AXDND1: variants seen among roughly 807,000 people sequenced by gnomAD.
AXDND1 encodes the protein axonemal dynein light chain domain containing 1, also known as axonemal dynein light chain domain-containing protein 1.
In AXDND1, 110 loss-of-function variants were observed where a neutral mutation model predicts 137.5. The observed-to-expected ratio is 0.80, with a 90% CI of 0.69 to 0.94. The LOEUF is 0.94. AXDND1 is among the 40% of genes least tolerant of loss of function. The pLI, the probability that AXDND1 is intolerant of heterozygous loss-of-function variation, is 0.00. For missense variants in AXDND1, 1,191 were observed against 1,169.8 expected (o/e 1.02, Z -0.26); for synonymous variants, 414 against 399.7 (o/e 1.04, Z -0.43).
intron 15 of AXDND1, among the ~76,000 whole-genome samples, chr1:179,442,481 C>T (rs1013743847): frequency 2.0e-5 from 3 of 152,212 alleles, no homozygotes; most frequent in Non-Finnish European, 2.9e-5. Flanking sequence ...CCTGTGGAAA[C>T]CATGGGTTAT....
intron 20 of AXDND1, among the ~76,000 whole-genome samples, chr1:179,501,761 T>A (rs1668023077): frequency 6.6e-6 from 1 of 152,022 alleles, no homozygotes; most frequent in African/African-American, 2.4e-5. Flanking sequence ...CTAGGAATAT[T>A]GGCTATCTAT....
chr1:179,422,943 T>C (rs1655997106), intron 12 of AXDND1, among the ~76,000 whole-genome samples: 1 of 152,106 alleles, frequency 6.6e-6, no homozygotes, highest in South Asian at 2.1e-4. Context: ...TTTGTATTTT[T>C]AGTAGAGACA....
Position 179,395,150 on chromosome 1 carries a change from A to G in AXDND1, c.1057A>G (p.Lys353Glu), listed in dbSNP as rs1288831394. 7 of 1,613,682 alleles carry G rather than the reference A, an allele frequency of 4.3e-6. No homozygotes were observed. In the South Asian group the frequency reaches 7.7e-5, roughly 18 times the overall value. ...TGTGAAATTAACAAAGGAAACAGAA[A>G]AAGCCCACAAGGATTTGGCACAAGC... ...HDVKLTKETEKAHKDLAQALL... is the reference protein window; with the variant it reads ...HDVKLTKETEEAHKDLAQALL... The change falls in exon 11 of 26, where the codon AAA becomes GAA. Residue 353 changes from lysine (K) to glutamate (E), a missense_variant. Lys to Glu is a moderately conservative substitution (Grantham distance 56). Transcript: ENST00000367618.
chr1:179,371,294 G>T (rs571079733), intron 4 of AXDND1, among the ~76,000 whole-genome samples: 1 of 152,206 alleles, frequency 6.6e-6, no homozygotes, highest in Non-Finnish European at 1.5e-5. Context: ...CAGGCGTGGT[G>T]GCGCACACCT....
Position 179,533,881 on chromosome 1 carries a change from A to C in AXDND1, c.2798+4A>C. ...AACATATGCAGGAGAAGTTACTGTA[A>C]GTATGAGTCAACACAATGGTAAGAG... On this transcript the variant is annotated splice_donor_region_variant and intron_variant, in intron 24 of 25. Transcript: ENST00000367618. 6.2e-7 allele frequency: 1 copy of C among 1,610,422 alleles called. No individual in the cohort carries two copies. The highest frequency in any genetic ancestry group is 1.1e-5 in the South Asian group (1 of 90,944).
rs577807832 is a variant in AXDND1 at position 179,422,467 on chromosome 1, A to G, written c.1231-7051A>G. Among the ~76,000 whole-genome samples the G allele has an allele frequency of 3.3e-5, 5 of 152,246 alleles. No individual in the cohort carries two copies. In the South Asian group the frequency reaches 1.0e-3, roughly 32 times the overall value. ...AAGTTTCTTCCTGTTATTGATTTCAAGTTTTATTCCATCATTGTGGTCAGA... is the reference window on the plus strand; with the variant it reads ...AAGTTTCTTCCTGTTATTGATTTCAGGTTTTATTCCATCATTGTGGTCAGA... On this transcript the variant is annotated intron_variant, in intron 12 of 25. Transcript: ENST00000367618.
intron 25 of AXDND1, 137 bp from the exon 26 acceptor site, chr1:179,554,375 T>G: frequency 7.3e-6 from 10 of 1,370,002 alleles, no homozygotes; most frequent in Non-Finnish European, 1.0e-5. Flanking sequence ...CTGATATGGC[T>G]ATAGTACTCA....
intron 4 of AXDND1, 48 bp from the exon 5 acceptor site, chr1:179,378,589 A>G: frequency 1.4e-6 from 2 of 1,421,902 alleles, no homozygotes; most frequent in South Asian, 1.4e-5. Context: ...GTTATGTGGT[A>G]TCCAGATAGA....
At chr1:179,486,965 T>C (rs1385344076) in intron 18 of AXDND1, among the ~76,000 whole-genome samples, 1 of 148,528 alleles carries the variant, frequency 6.7e-6, no homozygotes, top group Non-Finnish European at 1.5e-5. Context: ...TCCACACATA[T>C]CAATACTAAC....
intron 16 of AXDND1, among the ~76,000 whole-genome samples, chr1:179,458,921 T>G (rs1661812353): frequency 6.6e-6 from 1 of 151,246 alleles, no homozygotes. Flanking sequence ...ATAACAGATA[T>G]GAATATTGAA....
At chr1:179,412,645 C>A (rs1372889030) in intron 12 of AXDND1, among the ~76,000 whole-genome samples, 1 of 152,138 alleles carries the variant, frequency 6.6e-6, no homozygotes, top group East Asian at 1.9e-4. Flanking sequence ...TTACTGGGGA[C>A]ATGCTAGAGG....
At chr1:179,480,312 A>C (rs1665207967) in intron 17 of AXDND1, among the ~76,000 whole-genome samples, 1 of 152,314 alleles carries the variant, frequency 6.6e-6, no homozygotes, top group East Asian at 1.9e-4. Context: ...GGCACATCTC[A>C]CATGGCAGCA....
chr1:179,430,989 C>T (rs1042726887), intron 14 of AXDND1, among the ~76,000 whole-genome samples: 8 of 152,048 alleles, frequency 5.3e-5, no homozygotes, highest in Non-Finnish European at 7.4e-5. Context: ...TGGTTTTGAT[C>T]GGATATCATA....
intron 20 of AXDND1, among the ~76,000 whole-genome samples, chr1:179,499,982 C>G (rs559338583): frequency 6.8e-4 from 104 of 152,140 alleles, no homozygotes; most frequent in African/African-American, 2.4e-3. Flanking sequence ...AACAGAAAGC[C>G]CTATCAAACA....
chr1:179,515,609 A>G (rs1255478774), intron 21 of AXDND1, among the ~76,000 whole-genome samples: 1 of 152,048 alleles, frequency 6.6e-6, no homozygotes, highest in Non-Finnish European at 1.5e-5. Context: ...TTGTATTTGG[A>G]TGTCTAGATC....
At chr1:179,450,729 C>G (rs1660437286) in intron 16 of AXDND1, 1 of 152,742 alleles carries the variant, frequency 6.5e-6, no homozygotes, top group African/African-American at 2.4e-5. Context: ...CTTTGGGAGG[C>G]CAAGGCAGGA....
At chr1:179,462,480 T>TC (rs200226264) in intron 16 of AXDND1, among the ~76,000 whole-genome samples, 25,498 of 152,108 alleles carry the variant, frequency 0.17, 2,474 homozygotes, top group East Asian at 0.35. Flanking sequence ...GCATCGATGT[T>TC]ATCAGGGATA....
At chr1:179,411,293 C>A in intron 12 of AXDND1, 27 bp downstream of exon 12, 1 of 1,598,188 alleles carries the variant, frequency 6.3e-7, no homozygotes, top group East Asian at 2.2e-5. Flanking sequence ...TCACAACTCA[C>A]ACTTCTTTTT....
intron 21 of AXDND1, among the ~76,000 whole-genome samples, chr1:179,518,005 G>C (rs773263681): frequency 1.4e-4 from 22 of 152,152 alleles, no homozygotes; most frequent in Non-Finnish European, 3.1e-4. Context: ...CTGATGATGA[G>C]TCTTAATATA....
Sources: gnomAD v4.1 joint callset for allele counts (sites outside exome capture counted in the v4.1 genomes callset) on GRCh38, gnomAD v4.1.1 for gene constraint, MANE v1.5 for transcripts, NCBI Gene and HGNC (gene_info 2026-07-23, HGNC 2026-07-21) for gene names.